Variants in CLASP2 observed in about 807,000 individuals in gnomAD.
CLASP2 encodes the protein cytoplasmic linker associated protein 2.
A neutral mutation model predicts 194.4 loss-of-function variants in CLASP2; 47 were observed. The ratio of observed to expected loss-of-function variants is 0.24; its 90% confidence interval spans 0.19 to 0.31. The LOEUF (loss-of-function observed/expected upper bound fraction) is 0.31, where lower values mean the gene tolerates loss of function less well. Among genes scored for constraint, CLASP2 ranks in the 10% least tolerant of loss-of-function variants. The pLI is 1.00. For missense variants in CLASP2, 1,445 were observed against 1,823.6 expected, an observed-to-expected ratio of 0.79 and a Z score of 3.78; for synonymous variants, 619 against 633.5, an observed-to-expected ratio of 0.98 and a Z score of 0.34.
intron 34 of CLASP2, among the ~76,000 whole-genome samples, chr3:33,532,407 T>C (rs1484958909): frequency 6.6e-6 from 1 of 151,692 alleles, no homozygotes; most frequent in Non-Finnish European, 1.5e-5. Flanking sequence ...TGGTATAGAG[T>C]TTCAGTTTTA....
In CLASP2 at chr3:33,715,011, T is replaced by C. The variant is rs571445732; in HGVS notation, c.195+2797A>G. On this transcript the variant is annotated intron_variant, in intron 1 of 38. Coordinates refer to ENST00000682230, the MANE Select transcript of CLASP2 (RefSeq NM_001365631.1). ...ATCCTATGACTTTACAGCTGCTTCC[T>C]CAACTTCGTCTTTCTTAACACCTCA... Among the ~76,000 whole-genome samples the C allele has an allele frequency of 3.9e-5, 6 of 152,358 alleles. No individual in the cohort carries two copies. The East Asian group carries it at 1.2e-3, about 29-fold the overall frequency.
In CLASP2 at chr3:33,703,442, C is replaced by T. The variant is rs142567412; in HGVS notation, c.196-6509G>A. ...TTAAAATGGCCATAACCCAATTCAC[C>T]GACAACACTAAGTGCTGACAAAGGT... is the stretch of plus-strand genomic sequence containing the variant. On this transcript the variant is annotated intron_variant, in intron 1 of 38. Transcript: ENST00000682230. 1.1e-4 allele frequency among the ~76,000 whole-genome samples: 17 copies of T among 152,248 alleles called. No homozygotes were observed. The East Asian group carries it at 1.2e-3, about 10-fold the overall frequency.
At chr3:33,535,923 GAAA>G (rs142158394) in intron 33 of CLASP2, among the ~76,000 whole-genome samples, 1 of 107,296 alleles carries the variant, frequency 9.3e-6, no homozygotes, top group Non-Finnish European at 2.0e-5. Context: ...GCTTTAAGGA[GAAA>G]AAAAAAAAAA....
chr3:33,669,194 T>C (rs945138001), intron 6 of CLASP2, among the ~76,000 whole-genome samples: 3 of 152,194 alleles, frequency 2.0e-5, no homozygotes, highest in African/African-American at 7.2e-5. Flanking sequence ...CAATAAGTGG[T>C]GTTGGGTCAA....
At chr3:33,696,176 A>C (rs1450830927) in intron 2 of CLASP2, among the ~76,000 whole-genome samples, 1 of 151,630 alleles carries the variant, frequency 6.6e-6, no homozygotes, top group Non-Finnish European at 1.5e-5. Context: ...TTTTCATTTA[A>C]TTTTGCTATA....
intron 6 of CLASP2, among the ~76,000 whole-genome samples, chr3:33,664,718 C>T (rs1426862367): frequency 2.6e-5 from 4 of 152,082 alleles, no homozygotes; most frequent in Non-Finnish European, 4.4e-5. Flanking sequence ...GTAGTATATT[C>T]TGGAGGGTTG....
At chr3:33,654,859 T>C (rs2083868852) in intron 7 of CLASP2, among the ~76,000 whole-genome samples, 1 of 152,142 alleles carries the variant, frequency 6.6e-6, no homozygotes, top group East Asian at 1.9e-4. Context: ...CCATGATAAT[T>C]GATAAAGTAT....
chr3:33,518,376 C>T (rs1050475327), intron 34 of CLASP2, among the ~76,000 whole-genome samples: 6 of 152,094 alleles, frequency 3.9e-5, no homozygotes, highest in Non-Finnish European at 8.8e-5. Context: ...TAACAAAATA[C>T]CAGAGTTCCT....
intron 16 of CLASP2, 72 bp from the exon 17 acceptor site, chr3:33,604,281 T>C (rs769535466): frequency 3.7e-5 from 35 of 937,652 alleles, no homozygotes; most frequent in Non-Finnish European, 5.6e-5. Flanking sequence ...AATAAAATAC[T>C]ACTGAATTTT....
chr3:33,640,637 C>A (rs962475063), intron 8 of CLASP2, among the ~76,000 whole-genome samples: 3 of 152,052 alleles, frequency 2.0e-5, no homozygotes, highest in African/African-American at 7.2e-5. Context: ...TGACAAATCA[C>A]TAACCTCAAA....
intron 24 of CLASP2, among the ~76,000 whole-genome samples, chr3:33,573,644 T>C (rs1340886503): frequency 6.6e-6 from 1 of 152,174 alleles, no homozygotes; most frequent in African/African-American, 2.4e-5. Context: ...GGGTTTTTCC[T>C]TTCCCCTTTT....
chr3:33,551,257 G>A lies in CLASP2; in HGVS notation c.3148C>T (p.Arg1050Trp). Residue 1050 changes from arginine (R) to tryptophan (W), a missense_variant, in exon 30 of 39, where the codon CGG (arginine) becomes TGG (tryptophan). Around this residue, in one of 4 missense-constraint regions of CLASP2, gnomAD observed 732 missense variants for 987.9 expected, o/e 0.74. Coordinates refer to ENST00000682230, the MANE Select transcript of CLASP2 (RefSeq NM_001365631.1). Reference protein sequence around the residue: ...WTTEPKSSDVRKAAQSVLISL... With the variant: ...WTTEPKSSDVWKAAQSVLISL... Reference sequence around the variant, plus strand: ...AACCTCATATTAAAATATACCTTCCGAACATCAGAACTTTTGGGTTCTGTT... The same window carrying A: ...AACCTCATATTAAAATATACCTTCCAAACATCAGAACTTTTGGGTTCTGTT... 2 of 1,610,436 alleles carry A rather than the reference G, an allele frequency of 1.2e-6. No homozygotes were observed. Among genetic ancestry groups the A allele is most frequent in the Non-Finnish European group, 1.7e-6 (2 of 1,178,214 alleles).
At position 33,717,791 on chromosome 3, in the gene CLASP2, T is replaced by A. The variant is rs1181803018; in HGVS notation, c.195+17A>T. On this transcript the variant is annotated intron_variant, in intron 1 of 38. Transcript: ENST00000682230. ...CGCGGAGGGCGTGACCAGCCCAGCC[T>A]CGCCGCCGTCGCTTACCCGGTAGTT... is the stretch of plus-strand genomic sequence containing the variant. 1 of 1,550,102 alleles carries A rather than the reference T, an allele frequency of 6.5e-7. No individual in the cohort carries two copies. Among genetic ancestry groups the A allele is most frequent in the Admixed American group, 2.0e-5 (1 of 51,118 alleles).
At chr3:33,577,070 T>C (rs1373300518) in intron 23 of CLASP2, 2 of 675,166 alleles carry the variant, frequency 3.0e-6, no homozygotes, top group East Asian at 6.6e-5. Flanking sequence ...AAAAAAAAAG[T>C]TTATTCTCCA....
intron 27 of CLASP2, among the ~76,000 whole-genome samples, chr3:33,562,250 T>TCCTTTAACTCTCATTCCACCACTACCC (rs2061910731): frequency 1.3e-5 from 2 of 152,182 alleles, no homozygotes; most frequent in African/African-American, 4.8e-5. Flanking sequence ...CAGTGTGGAT[T>TCCTTTAACTCTCATTCCACCACTACCC]CCTTTAACTC....
chr3:33,610,055 GTTAA>G (rs913196560), intron 13 of CLASP2, among the ~76,000 whole-genome samples: 6 of 152,140 alleles, frequency 3.9e-5, no homozygotes, highest in Admixed American at 6.6e-5. Flanking sequence ...TTTTGAACTT[GTTAA>G]TTAAATAAAA....
chr3:33,507,721 C>A (rs2154082609), intron 37 of CLASP2, among the ~76,000 whole-genome samples: 1 of 152,020 alleles, frequency 6.6e-6, no homozygotes, highest in East Asian at 1.9e-4. Context: ...TGGGCTTAAG[C>A]AATCCTCCTG....
intron 3 of CLASP2, 54 bp from the exon 4 acceptor site, chr3:33,688,422 T>G: frequency 7.9e-7 from 1 of 1,271,126 alleles, no homozygotes; most frequent in East Asian, 2.5e-5. Flanking sequence ...ATTCATGTTA[T>G]AATCTTTTAT....
intron 26 of CLASP2, among the ~76,000 whole-genome samples, chr3:33,567,202 A>G (rs971870326): frequency 4.6e-5 from 7 of 152,172 alleles, no homozygotes; most frequent in African/African-American, 1.7e-4. Context: ...ATTTCTGTGA[A>G]GGCTTGAAAC....
Sources: allele counts gnomAD v4.1 joint callset (sites outside exome capture counted in the v4.1 genomes callset), GRCh38; gene constraint gnomAD v4.1.1; regional missense constraint gnomAD v4.1.1; transcripts MANE v1.5; gene names NCBI Gene and HGNC (gene_info 2026-07-23, HGNC 2026-07-21).